NBEA: variants seen among roughly 807,000 people sequenced by gnomAD.
The protein encoded by NBEA is neurobeachin.
NBEA carries 44 observed loss-of-function variants against 343.4 expected under a neutral mutation model. That is an observed-to-expected ratio of 0.13 (90% confidence interval 0.10 to 0.16). The LOEUF is 0.16. Among genes scored for constraint, NBEA ranks in the 10% least tolerant of loss-of-function variants. The pLI is 1.00. For missense variants in NBEA, 2,555 were observed against 3,631.3 expected, an observed-to-expected ratio of 0.70 and a Z score of 7.62; for synonymous variants, 1,175 against 1,238.7, an observed-to-expected ratio of 0.95 and a Z score of 1.08.
chr13:35,159,390 T>C lies in NBEA; in HGVS notation c.3219T>C (p.Asp1073=). ...KVEATEVKLD[D]MDLSPETLVG... is the part of the protein sequence containing the mutation. ...AAGCAACAGAAGTAAAGCTCGATGATATGGATTTATCACCGGAGACTTTAG... is the reference window on the plus strand; with the variant it reads ...AAGCAACAGAAGTAAAGCTCGATGACATGGATTTATCACCGGAGACTTTAG... Residue 1073 remains aspartate, a synonymous_variant, in exon 22 of 59, where the codon GAT becomes GAC. Transcript: ENST00000379939. 6.2e-7 allele frequency: 1 copy of C among 1,613,448 alleles called. No individual in the cohort carries two copies. Among genetic ancestry groups the C allele is most frequent in the Admixed American group, 1.7e-5 (1 of 59,902 alleles).
At chr13:35,656,254 A>C (rs2084807638) in intron 55 of NBEA, among the ~76,000 whole-genome samples, 1 of 152,200 alleles carries the variant, frequency 6.6e-6, no homozygotes, top group African/African-American at 2.4e-5. Flanking sequence ...AAAACTGAAT[A>C]AGACAGTTTC....
intron 34 of NBEA, among the ~76,000 whole-genome samples, chr13:35,239,356 T>C (rs748229319): frequency 2.6e-5 from 4 of 152,066 alleles, no homozygotes; most frequent in Non-Finnish European, 4.4e-5. Context: ...ATTTGGAGAA[T>C]TAACTAAATG....
In NBEA at chr13:35,070,816, G is replaced by A. The variant is rs1317494474; in HGVS notation, c.1535G>A (p.Arg512Lys). ...CCACTTTTTGCCCAATTGGATAATA[G>A]GCAGCTCAATGACAGTCAAGTGGAA... ...LFPLFAQLDNRQLNDSQVETT... is the reference protein window; with the variant it reads ...LFPLFAQLDNKQLNDSQVETT... Residue 512 changes from arginine (R) to lysine (K), a missense_variant, in exon 10 of 59, where the codon AGG becomes AAG. Arg to Lys is a conservative substitution (Grantham distance 26, BLOSUM62 2). Transcript: ENST00000379939. The A allele has an allele frequency of 3.1e-6, 5 of 1,610,304 alleles. No individual in the cohort carries two copies. Among genetic ancestry groups the A allele is most frequent in the Non-Finnish European group, 4.2e-6 (5 of 1,178,812 alleles).
chr13:35,292,605 C>T (rs1473099411), intron 35 of NBEA, among the ~76,000 whole-genome samples: 1 of 151,922 alleles, frequency 6.6e-6, no homozygotes, highest in Admixed American at 6.6e-5. Flanking sequence ...TTGTTTTGCT[C>T]TACAGACAGC....
intron 34 of NBEA, among the ~76,000 whole-genome samples, chr13:35,255,695 C>T (rs1458593512): frequency 1.3e-5 from 2 of 152,254 alleles, no homozygotes; most frequent in African/African-American, 4.8e-5. Context: ...GGTGTCACAG[C>T]CCAGGCTTGG....
At chr13:35,185,957 CA>C (rs1171918936) in intron 30 of NBEA, 2 of 151,884 alleles carry the variant, frequency 1.3e-5, no homozygotes, top group East Asian at 3.9e-4. Flanking sequence ...AGAGCACAAA[CA>C]AAAGTTAAAA....
intron 56 of NBEA, among the ~76,000 whole-genome samples, chr13:35,666,049 G>A (rs1405873525): frequency 6.6e-6 from 1 of 152,164 alleles, no homozygotes; most frequent in Non-Finnish European, 1.5e-5. Context: ...CTGATGCTTG[G>A]AGAAACTGAA....
chr13:35,182,150 C>T (rs190916920), intron 28 of NBEA, among the ~76,000 whole-genome samples: 335 of 151,288 alleles, frequency 2.2e-3, no homozygotes, highest in Middle Eastern at 0.01. Flanking sequence ...TTGGAAATTA[C>T]ATTCCAACCT....
chr13:35,611,382 G>A (rs1287552007), intron 48 of NBEA, among the ~76,000 whole-genome samples: 1 of 152,160 alleles, frequency 6.6e-6, no homozygotes, highest in Non-Finnish European at 1.5e-5. Flanking sequence ...ACTGATACAT[G>A]TAACAAAATC....
intron 40 of NBEA, among the ~76,000 whole-genome samples, chr13:35,468,622 T>C (rs2075503046): frequency 6.6e-6 from 1 of 151,926 alleles, no homozygotes; most frequent in African/African-American, 2.4e-5. Flanking sequence ...CTACAATGAG[T>C]CTTTTAACAC....
At chr13:35,102,671 G>A (rs1420869153) in intron 11 of NBEA, among the ~76,000 whole-genome samples, 1 of 151,712 alleles carries the variant, frequency 6.6e-6, no homozygotes, top group African/African-American at 2.4e-5. Context: ...AGGCCAAGAA[G>A]CAATTAAAAG....
intron 38 of NBEA, among the ~76,000 whole-genome samples, chr13:35,375,187 C>T (rs938438278): frequency 4.6e-5 from 7 of 152,026 alleles, no homozygotes; most frequent in African/African-American, 9.7e-5. Flanking sequence ...AACTTTTGAA[C>T]GCTTCTACTA....
At chr13:35,444,038 G>A (rs1001953459) in intron 39 of NBEA, among the ~76,000 whole-genome samples, 9 of 151,912 alleles carry the variant, frequency 5.9e-5, no homozygotes, top group African/African-American at 2.2e-4. Context: ...ATTAGGAAAT[G>A]ATTGTTACAG....
intron 12 of NBEA, among the ~76,000 whole-genome samples, chr13:35,110,479 A>C (rs1012834110): frequency 6.6e-6 from 1 of 152,142 alleles, no homozygotes; most frequent in Non-Finnish European, 1.5e-5. Flanking sequence ...AAAGCTACTG[A>C]AATGTACTTT....
At chr13:35,258,799 A>G (rs2032920250) in intron 34 of NBEA, among the ~76,000 whole-genome samples, 1 of 152,150 alleles carries the variant, frequency 6.6e-6, no homozygotes, top group Non-Finnish European at 1.5e-5. Flanking sequence ...AATTTTAATG[A>G]TGGTGCAAAA....
intron 31 of NBEA, among the ~76,000 whole-genome samples, chr13:35,202,263 T>C (rs961486187): frequency 3.3e-5 from 5 of 152,130 alleles, no homozygotes; most frequent in African/African-American, 1.2e-4. Context: ...CCAGGTCAAT[T>C]ATTGAAATAT....
At chr13:35,288,733 AAT>A (rs1160561312) in intron 34 of NBEA, among the ~76,000 whole-genome samples, 1 of 151,950 alleles carries the variant, frequency 6.6e-6, no homozygotes, top group Non-Finnish European at 1.5e-5. Context: ...TCATACACAA[AAT>A]GTATGCGAAT....
chr13:35,575,337 G>A (rs1227798487), intron 45 of NBEA, among the ~76,000 whole-genome samples: 4 of 152,112 alleles, frequency 2.6e-5, no homozygotes, highest in South Asian at 2.1e-4. Context: ...TTACAAGAAC[G>A]TAATTTTAAC....
chr13:35,397,190 T>G (rs537785091), intron 38 of NBEA, among the ~76,000 whole-genome samples: 1 of 152,306 alleles, frequency 6.6e-6, no homozygotes, highest in South Asian at 2.1e-4. Flanking sequence ...ATCCCCTTAT[T>G]CACTAGGCTT....
Sources: allele counts gnomAD v4.1 joint callset (sites outside exome capture counted in the v4.1 genomes callset), GRCh38; gene constraint gnomAD v4.1.1; transcripts MANE v1.5; gene names NCBI Gene and HGNC (gene_info 2026-07-23, HGNC 2026-07-21).